The following IPO5 variants were observed in gnomAD, a reference collection of about 807,000 sequenced individuals.
IPO5 encodes importin 5.
A neutral mutation model predicts 143.3 loss-of-function variants in IPO5; 18 were observed. That is an observed-to-expected ratio of 0.13 (90% CI 0.09 to 0.19). The LOEUF (loss-of-function observed/expected upper bound fraction) is 0.19, where lower values mean the gene tolerates loss of function less well. Ranked by LOEUF, IPO5 falls within the 10% of genes least tolerant of loss-of-function variation. IPO5 has a pLI of 1.00. For synonymous variants in IPO5, 477 were observed against 465.7 expected (o/e 1.02, Z -0.31); for missense variants, 1,013 against 1,336.9 (o/e 0.76, Z 3.78).
chr13:97,991,429 A>G (rs1262675837), intron 9 of IPO5, among the ~76,000 whole-genome samples: 1 of 152,190 alleles, frequency 6.6e-6, no homozygotes, highest in Non-Finnish European at 1.5e-5. Flanking sequence ...TCCCATTAGA[A>G]TTGGTGATAA....
chr13:98,019,770 C>G lies in IPO5; in HGVS notation c.3026C>G (p.Ala1009Gly). Residue 1009 changes from alanine to glycine, a missense_variant, in exon 27 of 29, where the codon GCT becomes GGT. Around this residue, in one of 2 missense-constraint regions of IPO5, gnomAD observed 685 missense variants for 994.9 expected, o/e 0.69. Coordinates refer to ENST00000651721, the MANE Select transcript of IPO5 (RefSeq NM_002271.6). Reference protein sequence around the residue: ...WLPLHEDKEEAVQTFNYLCDL... With the variant: ...WLPLHEDKEEGVQTFNYLCDL... ...CCACTACATGAAGATAAAGAAGAAG[C>G]TGTTCAGACTTTCAATTATCTGTGT... 1.9e-6 allele frequency: 3 copies of G among 1,613,716 alleles called. No individual in the cohort carries two copies. The highest frequency in any genetic ancestry group is 2.5e-6 in the Non-Finnish European group (3 of 1,179,620).
chr13:97,982,445 GGTTTACTCATGAAGTT>G (rs1004123714), intron 4 of IPO5, 42 bp from the exon 5 acceptor site: 13 of 1,132,542 alleles, frequency 1.1e-5, no homozygotes, highest in Non-Finnish European at 1.7e-5. Context: ...TTCTTTCACT[GGTTTACTCATGAAGTT>G]TCCTAACATT....
chr13:98,010,022 C>T lies in IPO5; in HGVS notation c.1933+9C>T, dbSNP rs1889568612. The T allele has an allele frequency of 1.9e-6, 3 of 1,613,818 alleles. No individual in the cohort carries two copies. Among genetic ancestry groups the T allele is most frequent in the Non-Finnish European group, 2.5e-6 (3 of 1,179,916 alleles). On this transcript the variant is annotated intron_variant, in intron 19 of 28. Coordinates refer to ENST00000651721, the MANE Select transcript of IPO5 (RefSeq NM_002271.6). Reference sequence around the variant, plus strand: ...AGTAGCCCTTTTAGATAGTAGGTGTCTTTAGAAGGAGCTATCGGTTATAAT... The same window carrying T: ...AGTAGCCCTTTTAGATAGTAGGTGTTTTTAGAAGGAGCTATCGGTTATAAT...
chr13:98,021,974 G>A lies in IPO5; in HGVS notation c.*152G>A, dbSNP rs555073433. The A allele has an allele frequency of 1.8e-4, 81 of 444,958 alleles. No homozygotes were observed. The highest frequency in any genetic ancestry group is 1.4e-3 in the African/African-American group (75 of 51,726). The allele number at this position is 444,958 out of a possible 1,614,324, so 27.6% of individuals were successfully genotyped here. A position where few individuals can be genotyped will look rare whatever the true frequency, so the allele number is the denominator to read the frequency against. ...AGCCACAAGCAGGAAGAGCAGCGCT[G>A]TGTTGCAGAATGGAGTTTCCATGGA... On this transcript the variant is annotated 3_prime_UTR_variant, in exon 29 of 29. Coordinates refer to ENST00000651721, the MANE Select transcript of IPO5 (RefSeq NM_002271.6).
In IPO5 at chr13:97,993,192, T is replaced by C. The variant is rs965833716; in HGVS notation, c.880T>C (p.Leu294=). The part of the protein sequence containing the change: ...VTLSETAAAM[L]RKHTNIVAQT... ...CCTCTCTGAGACTGCAGCTGCTATG[T>C]TAAGAAAACATACCAATATTGTTGC... The change falls in exon 11 of 29, where the codon TTA becomes CTA. Residue 294 remains leucine, a synonymous_variant. Transcript: ENST00000651721. 1 of 1,614,066 alleles carries C rather than the reference T, an allele frequency of 6.2e-7. No individual in the cohort carries two copies. Among genetic ancestry groups the C allele is most frequent in the African/African-American group, 1.3e-5 (1 of 75,054 alleles).
intron 27 of IPO5, 53 bp downstream of exon 27, chr13:98,019,862 T>C (rs1890364075): frequency 8.1e-7 from 1 of 1,234,738 alleles, no homozygotes; most frequent in South Asian, 1.2e-5. Context: ...TGCTTCCTGG[T>C]TTTTCTTGCC....
intron 13 of IPO5, 121 bp downstream of exon 13, chr13:98,000,766 C>A: frequency 1.5e-6 from 1 of 661,628 alleles, no homozygotes; most frequent in Non-Finnish European, 2.7e-6. Flanking sequence ...ATATTTAACC[C>A]AATTCATTTA....
chr13:97,958,158 T>G (rs1884588353), intron 2 of IPO5, among the ~76,000 whole-genome samples: 1 of 152,112 alleles, frequency 6.6e-6, no homozygotes, highest in South Asian at 2.1e-4. Context: ...ATTGCTTGGC[T>G]CTCTTCTCTC....
At chr13:98,011,118 G>A (rs570726680) in intron 20 of IPO5, among the ~76,000 whole-genome samples, 19 of 152,102 alleles carry the variant, frequency 1.2e-4, no homozygotes, top group Non-Finnish European at 2.5e-4. Context: ...ATTTCTTATT[G>A]TCATCTTCAA....
At chr13:97,965,347 GA>G (rs1885241548) in intron 2 of IPO5, among the ~76,000 whole-genome samples, 2 of 151,664 alleles carry the variant, frequency 1.3e-5, no homozygotes, top group Non-Finnish European at 2.9e-5. Context: ...TATCGAAACT[GA>G]AAAATTAAAA....
chr13:98,017,500 A>G (rs974474236), intron 25 of IPO5, among the ~76,000 whole-genome samples: 1 of 152,036 alleles, frequency 6.6e-6, no homozygotes, highest in African/African-American at 2.4e-5. Flanking sequence ...GGGTTTCACC[A>G]TGTTGACCAG....
chr13:97,985,097 C>G (rs767974845), intron 5 of IPO5, among the ~76,000 whole-genome samples: 7 of 152,088 alleles, frequency 4.6e-5, no homozygotes, highest in Non-Finnish European at 1.0e-4. Context: ...AGGAAAAGAG[C>G]ATTCATTATA....
chr13:97,977,700 G>T (rs1397518909), intron 4 of IPO5, among the ~76,000 whole-genome samples: 1 of 152,178 alleles, frequency 6.6e-6, no homozygotes, highest in African/African-American at 2.4e-5. Flanking sequence ...AAGTTCACTA[G>T]AAGACTGATG....
At chr13:97,999,354 G>A (rs903989458) in intron 12 of IPO5, among the ~76,000 whole-genome samples, 48 of 152,118 alleles carry the variant, frequency 3.2e-4, no homozygotes, top group African/African-American at 7.7e-4. Context: ...ACCTGATAAC[G>A]GCTGAAGAGA....
chr13:97,955,718 T>C (rs1267810493), intron 2 of IPO5, among the ~76,000 whole-genome samples: 1 of 152,094 alleles, frequency 6.6e-6, no homozygotes, highest in Non-Finnish European at 1.5e-5. Context: ...TCAGGAAGCA[T>C]TGACAGCCCA....
chr13:97,975,270 C>A (rs1222418673), intron 3 of IPO5, among the ~76,000 whole-genome samples: 2 of 151,722 alleles, frequency 1.3e-5, no homozygotes, highest in Admixed American at 1.3e-4. Flanking sequence ...GCTGGTATCG[C>A]CTGAGGTCAG....
intron 4 of IPO5, among the ~76,000 whole-genome samples, chr13:97,978,210 C>G (rs1242318738): frequency 6.6e-6 from 1 of 152,166 alleles, no homozygotes; most frequent in Non-Finnish European, 1.5e-5. Context: ...TGTCGTGAAT[C>G]TTCGCTGAAA....
At chr13:97,960,113 A>C (rs902142624) in intron 2 of IPO5, 1 of 152,210 alleles carries the variant, frequency 6.6e-6, no homozygotes, top group Non-Finnish European at 1.5e-5. Context: ...TTCCTCATTA[A>C]CTGTGGATGA....
In IPO5 at chr13:98,009,993, C is replaced by T; in HGVS notation, c.1913C>T (p.Pro638Leu). 1.2e-6 allele frequency: 2 copies of T among 1,614,042 alleles called. No homozygotes were observed. The highest frequency in any genetic ancestry group is 1.7e-6 in the Non-Finnish European group (2 of 1,179,978). ...TTAATGAAGACGGCTTCAATTAAGC[C>T]CGAAGTAGCCCTTTTAGATAGTAGG... is the stretch of plus-strand genomic sequence containing the variant. ...GPLMKTASIK[P>L]EVALLDTQDM... Residue 638 changes from proline (P) to leucine (L), a missense_variant, in exon 19 of 29, where the codon CCC (proline) becomes CTC (leucine). By Grantham distance (98) the Pro-to-Leu change is moderately conservative. This residue lies in a region of IPO5 where 685 missense variants were observed against 994.9 expected (regional missense o/e 0.69). Transcript: ENST00000651721.
Sources: allele counts gnomAD v4.1 joint callset (sites outside exome capture counted in the v4.1 genomes callset), GRCh38; gene constraint gnomAD v4.1.1; regional missense constraint gnomAD v4.1.1; transcripts MANE v1.5; gene names NCBI Gene and HGNC (gene_info 2026-07-23, HGNC 2026-07-21).